Variants in CACUL1 observed in about 807,000 individuals in gnomAD.
CACUL1 encodes the protein CDK2-associated and cullin domain-containing protein 1.
In CACUL1, 13 loss-of-function variants were observed where a neutral mutation model predicts 45.2. The observed-to-expected ratio is 0.29, with a 90% CI of 0.19 to 0.46. The LOEUF (loss-of-function observed/expected upper bound fraction) is 0.46. CACUL1 is among the 20% of genes least tolerant of loss of function. CACUL1 has a pLI of 1.00. For synonymous variants in CACUL1, 197 were observed against 174.2 expected (o/e 1.13, Z -1.03); for missense variants, 421 against 471.4 (o/e 0.89, Z 0.99).
intron 3 of CACUL1, among the ~76,000 whole-genome samples, chr10:118,725,893 C>T (rs1035025172): frequency 3.3e-5 from 5 of 152,152 alleles, no homozygotes; most frequent in Non-Finnish European, 5.9e-5. Context: ...CTTCAATCTC[C>T]CCAACAGGAT....
chr10:118,730,545 C>G (rs529290900), intron 1 of CACUL1, 135 bp from the exon 2 acceptor site: 1 of 836,314 alleles, frequency 1.2e-6, no homozygotes, highest in Non-Finnish European at 1.8e-6. Flanking sequence ...CCTAACTATC[C>G]TATTTCAATT....
In CACUL1 at chr10:118,679,527, G is replaced by A. The variant is rs2119524462; in HGVS notation, c.*6601C>T. 1 of 151,438 alleles carries A rather than the reference G, an allele frequency of 6.6e-6. No homozygotes were observed. The highest frequency in any genetic ancestry group is 6.6e-5 in the Admixed American group (1 of 15,182). 9.4% of individuals were successfully genotyped at this position (151,438 alleles called of 1,614,324 possible). ...CACTGTGCCAGGCCCAACTTTTTTT[G>A]TTTTTTGCTTGAGATAGTTTCACTC... On this transcript the variant is annotated 3_prime_UTR_variant, in exon 9 of 9. Coordinates refer to ENST00000369151, the MANE Select transcript of CACUL1 (RefSeq NM_153810.5).
chr10:118,743,959 TAAG>T (rs1343630176), intron 1 of CACUL1, among the ~76,000 whole-genome samples: 1 of 149,142 alleles, frequency 6.7e-6, no homozygotes, highest in African/African-American at 2.5e-5. Context: ...GGAAGAAAAA[TAAG>T]AGGTGGAAAC....
chr10:118,693,611 C>A, intron 6 of CACUL1: 1 of 408,230 alleles, frequency 2.4e-6, no homozygotes. Context: ...AAAGCCAGTG[C>A]TTATAAGCTG....
Position 118,684,695 on chromosome 10 carries a change from A to C in CACUL1, c.*1433T>G, listed in dbSNP as rs1325690270. 6.6e-6 allele frequency: 1 copy of C among 152,094 alleles called. No individual in the cohort carries two copies. The highest frequency in any genetic ancestry group is 1.5e-5 in the Non-Finnish European group (1 of 68,006). 9.4% of individuals were successfully genotyped at this position (152,094 alleles called of 1,614,324 possible). ...CTCTCCCACCCACACCACTCCCCCCAAAAAATAAACTGAATTGGCAGAGGC... is the reference window on the plus strand; with the variant it reads ...CTCTCCCACCCACACCACTCCCCCCCAAAAATAAACTGAATTGGCAGAGGC... On this transcript the variant is annotated 3_prime_UTR_variant, in exon 9 of 9. Coordinates refer to ENST00000369151, the MANE Select transcript of CACUL1 (RefSeq NM_153810.5).
intron 3 of CACUL1, among the ~76,000 whole-genome samples, chr10:118,715,557 C>A (rs999557446): frequency 1.3e-5 from 2 of 152,098 alleles, no homozygotes; most frequent in Non-Finnish European, 2.9e-5. Context: ...GCTATTGAGC[C>A]TTGGAATATG....
At position 118,754,806 on chromosome 10, in the gene CACUL1, C is replaced by T; in HGVS notation, c.-44G>A. On this transcript the variant is annotated 5_prime_UTR_variant, in exon 1 of 9. Transcript: ENST00000369151. ...CCGCCCGCCTCACAGGCACCTGCCG[C>T]CTGTCTCAACCCCGGGCCAGCGGGC... is the stretch of plus-strand genomic sequence containing the variant. The T allele has an allele frequency of 6.6e-7, 1 of 1,515,866 alleles. No individual in the cohort carries two copies. Among genetic ancestry groups the T allele is most frequent in the South Asian group, 1.3e-5 (1 of 75,838 alleles). 93.9% of individuals were successfully genotyped at this position (1,515,866 alleles called of 1,614,324 possible).
chr10:118,701,011 T>C (rs1472660282), intron 5 of CACUL1, among the ~76,000 whole-genome samples: 1 of 152,108 alleles, frequency 6.6e-6, no homozygotes, highest in Non-Finnish European at 1.5e-5. Context: ...AACTTCCTAA[T>C]AATACTTTCC....
intron 1 of CACUL1, among the ~76,000 whole-genome samples, chr10:118,748,317 T>G (rs1050328371): frequency 1.7e-4 from 26 of 152,170 alleles, no homozygotes; most frequent in African/African-American, 4.8e-4. Context: ...AGAGCAGGCT[T>G]GCTCACTGCT....
chr10:118,752,784 C>T (rs1476764774), intron 1 of CACUL1, among the ~76,000 whole-genome samples: 1 of 152,138 alleles, frequency 6.6e-6, no homozygotes, highest in African/African-American at 2.4e-5. Context: ...TTTATTAGTT[C>T]AAGATATTTC....
intron 5 of CACUL1, among the ~76,000 whole-genome samples, chr10:118,696,127 AAT>A (rs1353030809): frequency 2.6e-5 from 4 of 152,302 alleles, no homozygotes; most frequent in Admixed American, 6.5e-5. Flanking sequence ...GTTATGTTTG[AAT>A]ATATATGATG....
rs748361450 is a variant in CACUL1, at chr10:118,683,762, G to A, written c.*2366C>T. The A allele has an allele frequency of 1.2e-4, 18 of 150,706 alleles. No individual in the cohort carries two copies. The highest frequency in any genetic ancestry group is 2.1e-4 in the Non-Finnish European group (14 of 67,656). The allele number at this position is 150,706 out of a possible 1,614,324, so 9.3% of individuals were successfully genotyped here. On this transcript the variant is annotated 3_prime_UTR_variant, in exon 9 of 9. Transcript: ENST00000369151. ...AACAGTCAATATAAAATGAGAGGAA[G>A]GAGGAGGAAATCTTATTTCCTCTCA...
chr10:118,711,128 G>T (rs1283942823), intron 3 of CACUL1, among the ~76,000 whole-genome samples: 2 of 152,234 alleles, frequency 1.3e-5, no homozygotes, highest in South Asian at 2.1e-4. Flanking sequence ...CACCCAAGCT[G>T]CAGTGCAATG....
chr10:118,697,436 C>G (rs1177095908), intron 5 of CACUL1, among the ~76,000 whole-genome samples: 1 of 152,116 alleles, frequency 6.6e-6, no homozygotes, highest in Non-Finnish European at 1.5e-5. Context: ...ATCAATAAGC[C>G]GTATAGTTTA....
intron 3 of CACUL1, among the ~76,000 whole-genome samples, chr10:118,716,862 A>G (rs1420693889): frequency 6.6e-6 from 1 of 152,198 alleles, no homozygotes; most frequent in Non-Finnish European, 1.5e-5. Flanking sequence ...TCGGCCTCCC[A>G]AAGTGCTGGG....
chr10:118,678,987 T>C lies in CACUL1; in HGVS notation c.*7141A>G, dbSNP rs964882061. ...CCCATTATGTTGGTAGACTGACCTA[T>C]TTCTCTTTGTAGTGTGTTCATTTTT... On this transcript the variant is annotated 3_prime_UTR_variant, in exon 9 of 9. Coordinates refer to ENST00000369151, the MANE Select transcript of CACUL1 (RefSeq NM_153810.5). The C allele has an allele frequency of 2.6e-5, 4 of 152,210 alleles. No homozygotes were observed. Among genetic ancestry groups the C allele is most frequent in the African/African-American group, 7.2e-5 (3 of 41,448 alleles). 9.4% of individuals were successfully genotyped at this position (152,210 alleles called of 1,614,324 possible). A position where few individuals can be genotyped will look rare whatever the true frequency, so the allele number is the denominator to read the frequency against.
intron 1 of CACUL1, among the ~76,000 whole-genome samples, chr10:118,739,497 C>T (rs144394129): frequency 3.3e-5 from 5 of 152,244 alleles, no homozygotes; most frequent in Middle Eastern, 3.4e-3. Flanking sequence ...TTTTAAAATG[C>T]CAAGGAAAAG....
chr10:118,734,357 A>G (rs568471908), intron 1 of CACUL1, among the ~76,000 whole-genome samples: 2 of 152,324 alleles, frequency 1.3e-5, no homozygotes, highest in Non-Finnish European at 2.9e-5. Context: ...AATGAGGTAA[A>G]GAATTCCTTG....
At chr10:118,698,127 T>G (rs1436400949) in intron 5 of CACUL1, among the ~76,000 whole-genome samples, 1 of 151,910 alleles carries the variant, frequency 6.6e-6, no homozygotes, top group Non-Finnish European at 1.5e-5. Context: ...GCTCCCAAAT[T>G]CTTCTGACAA....
Sources: gnomAD v4.1 joint callset for allele counts (sites outside exome capture counted in the v4.1 genomes callset) on GRCh38, gnomAD v4.1.1 for gene constraint, MANE v1.5 for transcripts, NCBI Gene and HGNC (gene_info 2026-07-23, HGNC 2026-07-21) for gene names.